The following PRSS36 variants were observed in gnomAD, a reference collection of about 807,000 sequenced individuals.
PRSS36 encodes the protein serine protease 36.
In PRSS36, 90 loss-of-function variants were observed where a neutral mutation model predicts 94.3. That is an observed-to-expected ratio of 0.95 (90% CI 0.80 to 1.14). The LOEUF is 1.14. Ranked by LOEUF, PRSS36 falls within the 50% of genes most tolerant of loss-of-function variation. The probability of loss-of-function intolerance (pLI) is 0.00; values close to 1 mark genes in which losing one functional copy is unlikely to be tolerated. For missense variants in PRSS36, 1,158 were observed against 1,135.0 expected (o/e 1.02, Z -0.29); for synonymous variants, 500 against 489.6 (o/e 1.02, Z -0.28).
chr16:31,149,741 C>T lies in PRSS36; in HGVS notation c.38-10G>A, dbSNP rs779150931. On this transcript the variant is annotated splice_polypyrimidine_tract_variant and intron_variant, in intron 1 of 14. Coordinates refer to ENST00000268281, the MANE Select transcript of PRSS36 (RefSeq NM_173502.5). ...GGGATGGGACTGATGACTGGAAAGA[C>T]AGAGGTAGGCAGGAAGAGGCTGGCG... 3 of 1,614,180 alleles carry T rather than the reference C, an allele frequency of 1.9e-6. No homozygotes were observed. Among genetic ancestry groups the T allele is most frequent in the Middle Eastern group, 3.3e-4 (2 of 6,062 alleles).
At chr16:31,144,109 G>C (rs1034255399) in intron 6 of PRSS36, among the ~76,000 whole-genome samples, 1 of 152,124 alleles carries the variant, frequency 6.6e-6, no homozygotes, top group Admixed American at 6.6e-5. Context: ...AGTGATTCTT[G>C]TTGTTACTAG....
Position 31,148,552 on chromosome 16 carries a change from G to T in PRSS36, c.396C>A (p.Ser132Arg), listed in dbSNP as rs1449193083. 3.7e-6 allele frequency: 6 copies of T among 1,606,752 alleles called. No individual in the cohort carries two copies. The highest frequency in any genetic ancestry group is 5.1e-6 in the Non-Finnish European group (6 of 1,178,072). ...VAAIVVPANY[S>R]QVELGADLAL... ...CCAGGTCGGCGCCCAGCTCCACTTG[G>T]CTGTAGTTGGCCGGCACCACGATGG... is the stretch of plus-strand genomic sequence containing the variant. Residue 132 changes from serine to arginine, a missense_variant, in exon 5 of 15, where the codon AGC (serine) becomes AGA (arginine). Coordinates refer to ENST00000268281, the MANE Select transcript of PRSS36 (RefSeq NM_173502.5).
rs2057791545 is a variant in PRSS36 at position 31,145,859 on chromosome 16, T to C, written c.650A>G (p.Asn217Ser). Residue 217 changes from asparagine (N) to serine (S), a missense_variant, in exon 6 of 15, where the codon AAC (asparagine) becomes AGC (serine). By Grantham distance (46) the Asn-to-Ser change is conservative. Transcript: ENST00000268281. ...CCCTGGCAATATCTGGAGAGTGAGG[T>C]TGAAGGGACCGGGCTGGCTGTAGAG... Reference protein sequence around the residue: ...QCLYSQPGPFNLTLQILPGML... With the variant: ...QCLYSQPGPFSLTLQILPGML... The C allele has an allele frequency of 6.2e-7, 1 of 1,614,112 alleles. No homozygotes were observed. Among genetic ancestry groups the C allele is most frequent in the Admixed American group, 1.7e-5 (1 of 60,024 alleles).
At chr16:31,146,219 G>A (rs180818747) in intron 5 of PRSS36, among the ~76,000 whole-genome samples, 1 of 152,354 alleles carries the variant, frequency 6.6e-6, no homozygotes, top group East Asian at 1.9e-4. Context: ...ATGCAATGTA[G>A]GGACTAAAAC....
chr16:31,147,883 G>C (rs1420621437), intron 5 of PRSS36, among the ~76,000 whole-genome samples: 2 of 152,106 alleles, frequency 1.3e-5, no homozygotes, highest in African/African-American at 4.8e-5. Flanking sequence ...ATCTATTATA[G>C]GCCAGCCTTA....
At chr16:31,141,654 A>T (rs1401623365) in intron 11 of PRSS36, 44 bp from the exon 12 acceptor site, 2 of 1,608,970 alleles carry the variant, frequency 1.2e-6, no homozygotes. Context: ...CCCATGGCTG[A>T]CCCCTGAGCC....
chr16:31,149,613 C>A, intron 2 of PRSS36, 83 bp downstream of exon 2: 2 of 1,608,338 alleles, frequency 1.2e-6, no homozygotes, highest in South Asian at 1.1e-5. Context: ...CCTGTCCGTT[C>A]AGCAACCCCT....
At position 31,140,224 on chromosome 16, in the gene PRSS36, A is replaced by C. The variant is rs1027143091; in HGVS notation, c.2289+70T>G. The C allele has an allele frequency of 4.0e-5, 57 of 1,440,736 alleles. 2 individuals carry two copies. Among genetic ancestry groups the C allele is most frequent in the South Asian group, 3.5e-4 (22 of 62,544 alleles). The allele number at this position is 1,440,736 out of a possible 1,614,324, so 89.2% of individuals were successfully genotyped here. A position where few individuals can be genotyped will look rare whatever the true frequency, so the allele number is the denominator to read the frequency against. ...AAAAAAAAAAAATTCCAATTCTGCT[A>C]TCTCTCTAGGGTACAGTAGTCCAAC... On this transcript the variant is annotated intron_variant, in intron 14 of 14. Coordinates refer to ENST00000268281, the MANE Select transcript of PRSS36 (RefSeq NM_173502.5).
chr16:31,141,802 C>G lies in PRSS36; in HGVS notation c.1680G>C (p.Glu560Asp), dbSNP rs1383677649. 6.2e-6 allele frequency: 10 copies of G among 1,614,194 alleles called. No individual in the cohort carries two copies. The East Asian group carries it at 2.0e-4, about 32-fold the overall frequency. The change falls in exon 11 of 15, where the codon GAG becomes GAC. Residue 560 changes from glutamate (E) to aspartate (D), a missense_variant. Transcript: ENST00000268281. ...ISHVTRGAYLEDQLAWDWGPD... is the reference protein window; with the variant it reads ...ISHVTRGAYLDDQLAWDWGPD... ...GGCCCCAATCCCAGGCTAGCTGGTC[C>G]TCCAGGTAGGCTCCCCGAGTCACAT... is the stretch of plus-strand genomic sequence containing the variant.
intron 6 of PRSS36, among the ~76,000 whole-genome samples, chr16:31,144,307 T>C (rs565300789): frequency 1.3e-5 from 2 of 152,210 alleles, no homozygotes; most frequent in East Asian, 3.9e-4. Flanking sequence ...CCCGAGTAGC[T>C]GGGACTACAG....
At chr16:31,142,675 G>T in intron 9 of PRSS36, 31 bp from the exon 10 acceptor site, 3 of 1,407,280 alleles carry the variant, frequency 2.1e-6, no homozygotes, top group Non-Finnish European at 1.9e-6. Context: ...AGCCCGCGCT[G>T]CGGCCCAGAC....
chr16:31,147,090 C>T (rs962527643), intron 5 of PRSS36, among the ~76,000 whole-genome samples: 2 of 152,080 alleles, frequency 1.3e-5, no homozygotes, highest in East Asian at 1.9e-4. Flanking sequence ...CCTGGGCGTC[C>T]CTGGAGCTGG....
rs868582946 is a variant in PRSS36, at chr16:31,141,780, C to T, written c.1702G>A (p.Gly568Ser). The T allele has an allele frequency of 1.7e-5, 27 of 1,614,044 alleles. No individual in the cohort carries two copies. The highest frequency in any genetic ancestry group is 1.6e-4 in the African/African-American group (12 of 74,916). The change falls in exon 11 of 15, where the codon GGC (glycine) becomes AGC (serine). Residue 568 changes from glycine (G) to serine (S), a missense_variant. Gly to Ser is a moderately conservative substitution (Grantham distance 56, BLOSUM62 0). Transcript: ENST00000268281. ...GTCTCAGTCTCCTCCCCATCAGGGC[C>T]CCAATCCCAGGCTAGCTGGTCCTCC... is the stretch of plus-strand genomic sequence containing the variant. ...YLEDQLAWDW[G>S]PDGEETETQT...
At chr16:31,142,182 G>A (rs926407238) in intron 10 of PRSS36, among the ~76,000 whole-genome samples, 7 of 152,282 alleles carry the variant, frequency 4.6e-5, no homozygotes, top group African/African-American at 1.7e-4. Context: ...CCAGCTCAGA[G>A]CCCGCCTCAG....
At position 31,143,455 on chromosome 16, in the gene PRSS36, C is replaced by A. The variant is rs917402305; in HGVS notation, c.987G>T (p.Pro329=). ...CCTCCCAGGGCCAGGCCCCTGGCCG[C>A]GGGGCCTTCCCGCACTCTGAGGGGT... ...TIALPECGKA[P]RPGAWPWEAQ... Residue 329 remains proline, a synonymous_variant, in exon 8 of 15, where the codon CCG becomes CCT. Coordinates refer to ENST00000268281, the MANE Select transcript of PRSS36 (RefSeq NM_173502.5). The A allele has an allele frequency of 3.7e-6, 6 of 1,609,400 alleles. No individual in the cohort carries two copies. In the African/African-American group the frequency reaches 4.0e-5, roughly 11 times the overall value.
intron 5 of PRSS36, among the ~76,000 whole-genome samples, chr16:31,148,193 G>GTC (rs1012617884): frequency 1.2e-4 from 18 of 152,284 alleles, no homozygotes; most frequent in African/African-American, 3.9e-4. Context: ...TGATTCCGTG[G>GTC]TCTTAGTTTG....
intron 10 of PRSS36, 41 bp from the exon 11 acceptor site, chr16:31,142,001 G>A: frequency 1.3e-6 from 2 of 1,562,860 alleles, no homozygotes; most frequent in Non-Finnish European, 1.8e-6. Context: ...CTCTGCGTGT[G>A]TGCAGAGAAT....
At position 31,139,281 on chromosome 16, in the gene PRSS36, C is replaced by T; in HGVS notation, c.2425G>A (p.Glu809Lys). ...EEAWISQTVG[E>K]ANFLPPSGSP... ...CCACTGGGGGGCAGGAAGTTGGCCT[C>T]TCCCACTGTCTGGGAGATCCAGGCC... The change falls in exon 15 of 15, where the codon GAG (glutamate) becomes AAG (lysine). Residue 809 changes from glutamate to lysine, a missense_variant. Coordinates refer to ENST00000268281, the MANE Select transcript of PRSS36 (RefSeq NM_173502.5). 1 of 1,614,162 alleles carries T rather than the reference C, an allele frequency of 6.2e-7. No homozygotes were observed. The highest frequency in any genetic ancestry group is 1.6e-4 in the Middle Eastern group (1 of 6,062).
intron 8 of PRSS36, 46 bp from the exon 9 acceptor site, chr16:31,143,039 G>A: frequency 7.3e-7 from 1 of 1,373,594 alleles, no homozygotes; most frequent in Non-Finnish European, 9.4e-7. Flanking sequence ...CCGCACACGT[G>A]GCTGGAAACC....
Sources: gnomAD v4.1 joint callset for allele counts (sites outside exome capture counted in the v4.1 genomes callset) on GRCh38, gnomAD v4.1.1 for gene constraint, MANE v1.5 for transcripts, NCBI Gene and HGNC (gene_info 2026-07-23, HGNC 2026-07-21) for gene names.